NTRK2: variants seen among roughly 807,000 people sequenced by gnomAD.
NTRK2 encodes neurotrophic receptor tyrosine kinase 2.
NTRK2 carries 13 observed loss-of-function variants against 94.5 expected under a neutral mutation model. The ratio of observed to expected loss-of-function variants is 0.14; its 90% CI spans 0.09 to 0.22. NTRK2 has a LOEUF of 0.22. Among genes scored for constraint, NTRK2 ranks in the 10% least tolerant of loss-of-function variants. NTRK2 has a pLI of 1.00. For synonymous variants in NTRK2, 372 were observed against 407.4 expected, an observed-to-expected ratio of 0.91 and a Z score of 1.05; for missense variants, 639 against 1,071.2, an observed-to-expected ratio of 0.60 and a Z score of 5.63.
At chr9:84,850,205 T>TG (rs1426082221) in intron 12 of NTRK2, among the ~76,000 whole-genome samples, 1 of 151,044 alleles carries the variant, frequency 6.6e-6, no homozygotes, top group African/African-American at 2.4e-5. Flanking sequence ...ACATGTCTGG[T>TG]GGGGAAAAAA....
chr9:84,925,159 C>T (rs1185652993), intron 14 of NTRK2, among the ~76,000 whole-genome samples: 1 of 151,808 alleles, frequency 6.6e-6, no homozygotes, highest in Non-Finnish European at 1.5e-5. Flanking sequence ...CTAGGAATCT[C>T]TTCCAGCAGT....
intron 12 of NTRK2, among the ~76,000 whole-genome samples, chr9:84,782,023 ATGGCC>A (rs1464176342): frequency 7.0e-6 from 1 of 142,880 alleles, no homozygotes; most frequent in Non-Finnish European, 1.5e-5. Context: ...GGATTATAAG[ATGGCC>A]TCCAAGAAAA....
At position 84,903,236 on chromosome 9, in the gene NTRK2, C is replaced by T. The variant is rs538405014; in HGVS notation, c.1634-30926C>T. On this transcript the variant is annotated intron_variant, in intron 14 of 18. Coordinates refer to ENST00000277120, the MANE Select transcript of NTRK2 (RefSeq NM_006180.6). The stretch of plus-strand genomic sequence containing the variant: ...TGGTGCTTGTGGTGCTATTGGCTCT[C>T]TTGCAGCTATAGGTGTGATACAGTT... Among the ~76,000 whole-genome samples the T allele has an allele frequency of 7.2e-5, 11 of 152,326 alleles. 1 individual carries two copies. The South Asian group carries it at 2.3e-3, about 32-fold the overall frequency.
chr9:84,762,328 A>C lies in NTRK2; in HGVS notation c.1396+10243A>C, dbSNP rs950745358. 3.3e-5 allele frequency among the ~76,000 whole-genome samples: 5 copies of C among 152,260 alleles called. 1 individual carries two copies. The Middle Eastern group carries it at 0.014, about 414-fold the overall frequency. On this transcript the variant is annotated intron_variant, in intron 12 of 18. Transcript: ENST00000277120. ...TGTGGATGTCAGGGAGCAGCTCAAC[A>C]TGTGGGCTGTTTCTTGATCTTTTAA...
chr9:84,751,308 G>A (rs113814555), intron 11 of NTRK2, among the ~76,000 whole-genome samples: 1 of 152,170 alleles, frequency 6.6e-6, no homozygotes, highest in Non-Finnish European at 1.5e-5. Context: ...GGCTGGATGC[G>A]GTGGCTCATG....
At chr9:84,746,236 T>C (rs1445093428) in intron 11 of NTRK2, among the ~76,000 whole-genome samples, 1 of 152,228 alleles carries the variant, frequency 6.6e-6, no homozygotes, top group Non-Finnish European at 1.5e-5. Context: ...ATTAAAATTT[T>C]ATTGTCCATG....
chr9:84,907,764 G>A (rs911169888), intron 14 of NTRK2, among the ~76,000 whole-genome samples: 5 of 149,710 alleles, frequency 3.3e-5, no homozygotes, highest in African/African-American at 1.2e-4. Flanking sequence ...AGGTGGTTGT[G>A]GACTTTAGAG....
chr9:84,694,057 A>G (rs1423268580), intron 2 of NTRK2, among the ~76,000 whole-genome samples: 1 of 152,226 alleles, frequency 6.6e-6, no homozygotes, highest in East Asian at 1.9e-4. Context: ...TCCATTGTGC[A>G]AAAACTCTAG....
At chr9:84,935,387 G>A (rs2078180748) in intron 15 of NTRK2, among the ~76,000 whole-genome samples, 1 of 152,086 alleles carries the variant, frequency 6.6e-6, no homozygotes, top group South Asian at 2.1e-4. Context: ...ATTATTCTTG[G>A]AGTCATCCAG....
rs372809469 is a variant in NTRK2 at position 84,845,950 on chromosome 9, G to A, written c.1397-15090G>A. On this transcript the variant is annotated intron_variant, in intron 12 of 18. Transcript: ENST00000277120. ...TGAAAAAAAAAAAAGAAGCCATAAA[G>A]TGTTACAGAATGCTAAGGAATGTGC... Among the ~76,000 whole-genome samples, 182 of 150,916 alleles carry A rather than the reference G, an allele frequency of 1.2e-3. 2 individuals are homozygous for A. Among genetic ancestry groups the A allele is most frequent in the African/African-American group, 3.4e-3 (139 of 41,174 alleles).
chr9:84,840,827 A>T (rs1451810989), intron 12 of NTRK2, among the ~76,000 whole-genome samples: 1 of 151,960 alleles, frequency 6.6e-6, no homozygotes, highest in South Asian at 2.1e-4. Context: ...GCTGCACCAG[A>T]GTGTCCCCTT....
At chr9:84,839,201 G>A (rs1042847832) in intron 12 of NTRK2, among the ~76,000 whole-genome samples, 3 of 152,132 alleles carry the variant, frequency 2.0e-5, no homozygotes, top group Admixed American at 1.3e-4. Flanking sequence ...TCATCTGCTT[G>A]TCCAATAATT....
intron 14 of NTRK2, among the ~76,000 whole-genome samples, chr9:84,922,836 G>T (rs1217956939): frequency 6.6e-6 from 1 of 152,180 alleles, no homozygotes; most frequent in East Asian, 1.9e-4. Flanking sequence ...ATGAAGGAGT[G>T]GGGGAAAGTA....
rs1010414730 is a variant in NTRK2 at position 85,026,076 on chromosome 9, T to G, written c.*4639T>G. 12 of 219,596 alleles carry G rather than the reference T, an allele frequency of 5.5e-5. No homozygotes were observed. Among genetic ancestry groups the G allele is most frequent in the African/African-American group, 1.3e-4 (6 of 44,496 alleles). The allele number at this position is 219,596 out of a possible 1,614,324, so 13.6% of individuals were successfully genotyped here. ...GACCTTTATTTATTTAATTATGTAT[T>G]TATTTATTTATTTATATACTTTTGC... On this transcript the variant is annotated 3_prime_UTR_variant, in exon 19 of 19. Coordinates refer to ENST00000277120, the MANE Select transcript of NTRK2 (RefSeq NM_006180.6).
At chr9:84,995,101 T>C (rs1829580050) in intron 17 of NTRK2, among the ~76,000 whole-genome samples, 1 of 152,156 alleles carries the variant, frequency 6.6e-6, no homozygotes, top group African/African-American at 2.4e-5. Context: ...AGAAAACCCT[T>C]GGGAAAAGTA....
intron 14 of NTRK2, among the ~76,000 whole-genome samples, chr9:84,927,547 C>T (rs2077866236): frequency 6.6e-6 from 1 of 151,936 alleles, no homozygotes; most frequent in Non-Finnish European, 1.5e-5. Context: ...TAGAAATAGA[C>T]CTCTGATTTC....
At chr9:84,826,629 C>A (rs577454391) in intron 12 of NTRK2, among the ~76,000 whole-genome samples, 5 of 152,210 alleles carry the variant, frequency 3.3e-5, no homozygotes, top group Non-Finnish European at 7.4e-5. Context: ...CCTGTTTGGC[C>A]CATGATGTGG....
At chr9:84,969,612 A>G (rs1410240173) in intron 17 of NTRK2, among the ~76,000 whole-genome samples, 2 of 152,266 alleles carry the variant, frequency 1.3e-5, no homozygotes, top group African/African-American at 4.8e-5. Flanking sequence ...GCGGTCTAAT[A>G]GCTATTAAAA....
At chr9:84,711,272 C>T (rs1446152158) in intron 6 of NTRK2, among the ~76,000 whole-genome samples, 2 of 152,208 alleles carry the variant, frequency 1.3e-5, no homozygotes, top group Non-Finnish European at 2.9e-5. Flanking sequence ...GTCTGTGTCT[C>T]TTGATGGGGT....
Sources: allele counts gnomAD v4.1 joint callset (sites outside exome capture counted in the v4.1 genomes callset), GRCh38; gene constraint gnomAD v4.1.1; transcripts MANE v1.5; gene names NCBI Gene and HGNC (gene_info 2026-07-23, HGNC 2026-07-21).